Variants in KCNIP4 observed in about 807,000 individuals in gnomAD.
KCNIP4 encodes Kv channel-interacting protein 4.
KCNIP4 carries 12 observed loss-of-function variants against 34.0 expected under a neutral mutation model. The ratio of observed to expected loss-of-function variants is 0.35; its 90% CI spans 0.23 to 0.57. The LOEUF is 0.57. Among genes scored for constraint, KCNIP4 ranks in the 20% least tolerant of loss-of-function variants. The pLI, the probability that KCNIP4 is intolerant of heterozygous loss-of-function variation, is 0.83. For synonymous variants in KCNIP4, 124 were observed against 102.2 expected (o/e 1.21, Z -1.29); for missense variants, 238 against 311.7 (o/e 0.76, Z 1.78).
intron 1 of KCNIP4, among the ~76,000 whole-genome samples, chr4:21,624,175 A>G (rs1745170091): frequency 6.6e-6 from 1 of 152,170 alleles, no homozygotes; most frequent in African/African-American, 2.4e-5. Context: ...ACCAACAGTG[A>G]ATTTGGGCAA....
At chr4:21,604,686 G>A (rs1229077860) in intron 1 of KCNIP4, among the ~76,000 whole-genome samples, 1 of 152,088 alleles carries the variant, frequency 6.6e-6, no homozygotes, top group Admixed American at 6.6e-5. Context: ...ACTTTTACAC[G>A]GACTACCTCT....
intron 1 of KCNIP4, among the ~76,000 whole-genome samples, chr4:21,672,386 T>G (rs532435798): frequency 2.4e-4 from 37 of 152,204 alleles, no homozygotes; most frequent in Non-Finnish European, 4.6e-4. Context: ...TGTGAGACCA[T>G]GGGAAAATTT....
intron 1 of KCNIP4, among the ~76,000 whole-genome samples, chr4:20,974,335 A>G (rs1735273288): frequency 6.6e-6 from 1 of 152,196 alleles, no homozygotes; most frequent in Non-Finnish European, 1.5e-5. Flanking sequence ...AGGATTCATT[A>G]TTAAGTGTGT....
At chr4:21,166,316 T>C (rs1753622539) in intron 1 of KCNIP4, among the ~76,000 whole-genome samples, 1 of 152,060 alleles carries the variant, frequency 6.6e-6, no homozygotes, top group South Asian at 2.1e-4. Flanking sequence ...AGAAAGATAC[T>C]CCATATATTA....
chr4:21,442,353 A>T (rs1285822731), intron 1 of KCNIP4, among the ~76,000 whole-genome samples: 1 of 152,222 alleles, frequency 6.6e-6, no homozygotes, highest in East Asian at 1.9e-4. Context: ...AATCAAAATC[A>T]GTTAGGATTC....
chr4:21,750,734 C>T (rs1230430053), intron 1 of KCNIP4, among the ~76,000 whole-genome samples: 1 of 152,128 alleles, frequency 6.6e-6, no homozygotes, highest in Non-Finnish European at 1.5e-5. Context: ...CCCTTACAAA[C>T]TGTATTTTCC....
chr4:21,603,806 C>G (rs1303715672), intron 1 of KCNIP4, among the ~76,000 whole-genome samples: 1 of 152,074 alleles, frequency 6.6e-6, no homozygotes, highest in Non-Finnish European at 1.5e-5. Flanking sequence ...AAAATCAAAA[C>G]TATAATATCT....
intron 1 of KCNIP4, among the ~76,000 whole-genome samples, chr4:21,422,582 G>A (rs1005823585): frequency 4.6e-5 from 7 of 152,064 alleles, no homozygotes; most frequent in Admixed American, 4.6e-4. Flanking sequence ...AATCTTGGGG[G>A]TGATGCTTCA....
intron 1 of KCNIP4, among the ~76,000 whole-genome samples, chr4:21,239,284 C>A (rs1320952147): frequency 6.9e-6 from 1 of 145,278 alleles, no homozygotes; most frequent in African/African-American, 2.5e-5. Flanking sequence ...AGAAGAAAAC[C>A]TAGGCAATAC....
In KCNIP4 at chr4:20,802,542, G is replaced by T. The variant is rs1481290324; in HGVS notation, c.289-43652C>A. 3.9e-5 allele frequency among the ~76,000 whole-genome samples: 6 copies of T among 152,130 alleles called. No individual in the cohort carries two copies. The East Asian group carries it at 1.2e-3, about 29-fold the overall frequency. ...ATACAAAACTGTCCATCTAATAGCTGCAGAATACACAACTTTTTTCACACA... is the reference window on the plus strand; with the variant it reads ...ATACAAAACTGTCCATCTAATAGCTTCAGAATACACAACTTTTTTCACACA... On this transcript the variant is annotated intron_variant, in intron 3 of 8. Transcript: ENST00000382152.
intron 1 of KCNIP4, among the ~76,000 whole-genome samples, chr4:21,830,842 G>A (rs1266491395): frequency 6.6e-6 from 1 of 152,122 alleles, no homozygotes; most frequent in African/African-American, 2.4e-5. Context: ...CCACCCAACT[G>A]CAGCAGAATA....
intron 1 of KCNIP4, among the ~76,000 whole-genome samples, chr4:21,515,080 C>T (rs932810276): frequency 6.6e-6 from 1 of 152,116 alleles, no homozygotes; most frequent in Non-Finnish European, 1.5e-5. Context: ...CTCCTTTTCT[C>T]TAGAAATGAT....
chr4:21,589,187 T>C (rs564255915), intron 1 of KCNIP4, among the ~76,000 whole-genome samples: 4 of 57,278 alleles, frequency 7.0e-5, no homozygotes, highest in East Asian at 5.4e-4. Context: ...TATATATATA[T>C]ATATATATAT....
chr4:21,729,343 C>A (rs898280907), intron 1 of KCNIP4, among the ~76,000 whole-genome samples: 17 of 152,026 alleles, frequency 1.1e-4, no homozygotes, highest in African/African-American at 3.4e-4. Context: ...TAAAAAGGAA[C>A]AAGGAATACA....
chr4:21,601,152 T>C (rs1172683383), intron 1 of KCNIP4, among the ~76,000 whole-genome samples: 1 of 151,706 alleles, frequency 6.6e-6, no homozygotes, highest in Non-Finnish European at 1.5e-5. Context: ...AGCACCAATC[T>C]CCCTCCTCTC....
intron 3 of KCNIP4, among the ~76,000 whole-genome samples, chr4:20,828,420 C>T (rs964869381): frequency 2.6e-5 from 4 of 152,140 alleles, no homozygotes; most frequent in Admixed American, 6.5e-5. Context: ...AGCAAGACTC[C>T]GTCTAAAACA....
chr4:20,989,348 A>G (rs796081281), intron 1 of KCNIP4, among the ~76,000 whole-genome samples: 10 of 152,332 alleles, frequency 6.6e-5, no homozygotes, highest in African/African-American at 2.4e-4. Flanking sequence ...GCAAATGCAT[A>G]AAAAGGAGGT....
chr4:21,918,868 A>G (rs1373785134), intron 1 of KCNIP4, among the ~76,000 whole-genome samples: 7 of 152,284 alleles, frequency 4.6e-5, no homozygotes, highest in South Asian at 4.2e-4. Flanking sequence ...AAATCTAGCC[A>G]CGCTTCCTTA....
At chr4:21,203,917 G>T (rs921027751) in intron 1 of KCNIP4, among the ~76,000 whole-genome samples, 1 of 152,140 alleles carries the variant, frequency 6.6e-6, no homozygotes, top group Non-Finnish European at 1.5e-5. Context: ...CCCGGGAAGG[G>T]CTGCTTCTCT....
Sources: gnomAD v4.1 joint callset for allele counts (sites outside exome capture counted in the v4.1 genomes callset) on GRCh38, gnomAD v4.1.1 for gene constraint, MANE v1.5 for transcripts, NCBI Gene and HGNC (gene_info 2026-07-23, HGNC 2026-07-21) for gene names.